Variants in FBXO11 observed in about 807,000 individuals in gnomAD.
FBXO11 encodes the protein F-box only protein 11.
Under a neutral mutation model 117.0 loss-of-function variants are expected in FBXO11, and 13 were observed. The observed-to-expected ratio is 0.11, with a 90% confidence interval of 0.07 to 0.18. The LOEUF is 0.18. FBXO11 is among the 10% of genes least tolerant of loss of function. The pLI is 1.00. For missense variants in FBXO11, 767 were observed against 1,164.4 expected (o/e 0.66, Z 4.97); for synonymous variants, 490 against 380.5 (o/e 1.29, Z -3.35).
intron 4 of FBXO11, 79 bp downstream of exon 4, chr2:47,838,780 A>G (rs1324172498): frequency 3.6e-6 from 5 of 1,385,798 alleles, no homozygotes; most frequent in African/African-American, 1.4e-5. Context: ...AACTCACCGC[A>G]CCGACTTTCC....
Position 47,820,352 on chromosome 2 carries a change from A to C in FBXO11, c.1797+10T>G. The C allele has an allele frequency of 4.3e-6, 7 of 1,610,010 alleles. No homozygotes were observed. The highest frequency in any genetic ancestry group is 5.9e-6 in the Non-Finnish European group (7 of 1,176,984). ...CATGAGTTTATAGGGAACTATATAC[A>C]TTAACTTACCACATAAATCCCACCA... On this transcript the variant is annotated intron_variant, in intron 14 of 22. Coordinates refer to ENST00000403359, the MANE Select transcript of FBXO11 (RefSeq NM_001190274.2).
At chr2:47,834,209 G>A (rs1012805403) in intron 7 of FBXO11, among the ~76,000 whole-genome samples, 4 of 152,060 alleles carry the variant, frequency 2.6e-5, no homozygotes, top group Non-Finnish European at 5.9e-5. Context: ...AATTAGCCAC[G>A]CATGGTGGTG....
chr2:47,866,245 CAAAAA>C (rs57654823), intron 1 of FBXO11, among the ~76,000 whole-genome samples: 2 of 58,438 alleles, frequency 3.4e-5, no homozygotes, highest in African/African-American at 1.2e-4. Flanking sequence ...CCTTCTGCTT[CAAAAA>C]AAAAAAAAAA....
intron 1 of FBXO11, among the ~76,000 whole-genome samples, chr2:47,851,277 A>T (rs1324191305): frequency 1.3e-5 from 2 of 152,052 alleles, no homozygotes; most frequent in Admixed American, 1.3e-4. Flanking sequence ...CACAGGCTGG[A>T]GTGCAGTGGT....
Position 47,885,709 on chromosome 2 carries a change from T to G in FBXO11, c.232+19780A>C, listed in dbSNP as rs531309903. The stretch of plus-strand genomic sequence containing the variant: ...TGGTAGAGTAAAGCCTTGAAGAGAG[T>G]GCCTAGTTCCTCTTCCCCCCACCAA... On this transcript the variant is annotated intron_variant, in intron 1 of 22. Coordinates refer to ENST00000403359, the MANE Select transcript of FBXO11 (RefSeq NM_001190274.2). 1.4e-4 allele frequency among the ~76,000 whole-genome samples: 21 copies of G among 151,686 alleles called. No individual in the cohort carries two copies. The South Asian group carries it at 4.4e-3, about 31-fold the overall frequency.
chr2:47,904,929 G>T (rs1313314125), intron 1 of FBXO11, among the ~76,000 whole-genome samples: 4 of 151,938 alleles, frequency 2.6e-5, no homozygotes, highest in Non-Finnish European at 5.9e-5. Context: ...ACCAGGGACG[G>T]GGGGGCGGGG....
chr2:47,842,750 A>G (rs1471422829), intron 1 of FBXO11, among the ~76,000 whole-genome samples: 1 of 151,392 alleles, frequency 6.6e-6, no homozygotes, highest in Non-Finnish European at 1.5e-5. Context: ...CTTTCAAATG[A>G]AACTTGGAAA....
At chr2:47,896,791 A>G (rs1572923447) in intron 1 of FBXO11, among the ~76,000 whole-genome samples, 1 of 152,224 alleles carries the variant, frequency 6.6e-6, no homozygotes, top group Non-Finnish European at 1.5e-5. Flanking sequence ...GGCTACTTTT[A>G]TGTATTGCTG....
intron 1 of FBXO11, among the ~76,000 whole-genome samples, chr2:47,863,986 A>C (rs1674995492): frequency 6.6e-6 from 1 of 151,990 alleles, no homozygotes; most frequent in Non-Finnish European, 1.5e-5. Context: ...CAATAAATCT[A>C]AAGCTGGATT....
intron 4 of FBXO11, among the ~76,000 whole-genome samples, chr2:47,838,582 AC>A (rs1411342580): frequency 6.6e-6 from 1 of 152,174 alleles, no homozygotes; most frequent in Non-Finnish European, 1.5e-5. Context: ...TTTAAATTAC[AC>A]TGTTATGTTT....
intron 4 of FBXO11, among the ~76,000 whole-genome samples, chr2:47,838,281 T>C (rs751257779): frequency 2.0e-5 from 3 of 152,132 alleles, no homozygotes; most frequent in Admixed American, 6.5e-5. Flanking sequence ...TTAGTGGTTA[T>C]ATCACAACTC....
chr2:47,834,449 G>C (rs1420491141), intron 7 of FBXO11, 130 bp downstream of exon 7: 2 of 638,248 alleles, frequency 3.1e-6, no homozygotes, highest in Non-Finnish European at 5.1e-6. Flanking sequence ...TAAAATATGT[G>C]TGATATCTTC....
intron 11 of FBXO11, among the ~76,000 whole-genome samples, chr2:47,823,917 G>C (rs1448331930): frequency 6.6e-6 from 1 of 151,706 alleles, no homozygotes; most frequent in Non-Finnish European, 1.5e-5. Flanking sequence ...CACAATCATA[G>C]CTCACGCAGC....
Position 47,905,710 on chromosome 2 carries a change from A to T in FBXO11, c.11T>A (p.Val4Asp), listed in dbSNP as rs1199675600. MNS[V>D]RAANRRPRRV... The stretch of plus-strand genomic sequence containing the variant: ...CCTGGGTCTCCGGTTGGCGGCTCGG[A>T]CGGAGTTCATTTGCCGGGCTGAGGT... Residue 4 changes from valine (V) to aspartate (D), a missense_variant, in exon 1 of 23, where the codon GTC becomes GAC. Coordinates refer to ENST00000403359, the MANE Select transcript of FBXO11 (RefSeq NM_001190274.2). 2 of 1,520,006 alleles carry T rather than the reference A, an allele frequency of 1.3e-6. No individual in the cohort carries two copies. Among genetic ancestry groups the T allele is most frequent in the Admixed American group, 4.0e-5 (2 of 50,114 alleles). 94.2% of individuals were successfully genotyped at this position (1,520,006 alleles called of 1,614,324 possible).
intron 5 of FBXO11, 113 bp downstream of exon 5, chr2:47,835,759 A>G (rs1672513742): frequency 1.4e-6 from 1 of 711,718 alleles, no homozygotes; most frequent in East Asian, 3.6e-5. Context: ...CGGCCTCCCA[A>G]GGTGCTGGGA....
At chr2:47,900,182 T>C (rs77200718) in intron 1 of FBXO11, among the ~76,000 whole-genome samples, 2,194 of 152,186 alleles carry the variant, frequency 0.014, 29 homozygotes, top group Non-Finnish European at 0.021. Flanking sequence ...CTACTCTGTT[T>C]CTATCCCTCA....
chr2:47,821,766 C>G (rs1164781707), intron 13 of FBXO11, among the ~76,000 whole-genome samples: 1 of 152,082 alleles, frequency 6.6e-6, no homozygotes, highest in Non-Finnish European at 1.5e-5. Flanking sequence ...GCCTAGGCAA[C>G]AGAGTGAGAC....
intron 1 of FBXO11, among the ~76,000 whole-genome samples, chr2:47,877,385 GA>G (rs1676084435): frequency 6.6e-6 from 1 of 152,196 alleles, no homozygotes; most frequent in Non-Finnish European, 1.5e-5. Flanking sequence ...CTGCAAAAAA[GA>G]AAACATACTA....
intron 1 of FBXO11, among the ~76,000 whole-genome samples, chr2:47,875,498 CTTTTTT>C (rs59848527): frequency 6.9e-6 from 1 of 145,490 alleles, no homozygotes; most frequent in African/African-American, 2.5e-5. Flanking sequence ...CTTTTTTTGT[CTTTTTT>C]TTTTTTAGCA....
Sources: allele counts gnomAD v4.1 joint callset (sites outside exome capture counted in the v4.1 genomes callset), GRCh38; gene constraint gnomAD v4.1.1; transcripts MANE v1.5; gene names NCBI Gene and HGNC (gene_info 2026-07-23, HGNC 2026-07-21).